The following CHRNA7 variants were observed in gnomAD, a reference collection of about 807,000 sequenced individuals.
The protein encoded by CHRNA7 is cholinergic receptor nicotinic alpha 7 subunit, also known as neuronal acetylcholine receptor subunit alpha-7.
CHRNA7 carries 17 observed loss-of-function variants against 48.0 expected under a neutral mutation model. The ratio of observed to expected loss-of-function variants is 0.35; its 90% CI spans 0.24 to 0.53. CHRNA7 has a LOEUF of 0.53. CHRNA7 is among the 20% of genes least tolerant of loss of function. The pLI, the probability that CHRNA7 is intolerant of heterozygous loss-of-function variation, is 0.92. For synonymous variants in CHRNA7, 75 were observed against 242.3 expected (o/e 0.31, Z 6.41); for missense variants, 155 against 577.7 (o/e 0.27, Z 7.50).
chr15:32,141,267 T>C (rs1453878324), intron 4 of CHRNA7, among the ~76,000 whole-genome samples: 1 of 152,214 alleles, frequency 6.6e-6, no homozygotes, highest in African/African-American at 2.4e-5. Context: ...CTCTGTTCTC[T>C]TCCATTGGTC....
At chr15:32,093,089 TA>T (rs1481185306) in intron 2 of CHRNA7, among the ~76,000 whole-genome samples, 2 of 152,232 alleles carry the variant, frequency 1.3e-5, no homozygotes, top group Admixed American at 6.5e-5. Flanking sequence ...GGCTTAAACT[TA>T]AAGGGAGATT....
At chr15:32,119,278 C>G (rs1333810477) in intron 4 of CHRNA7, among the ~76,000 whole-genome samples, 1 of 152,244 alleles carries the variant, frequency 6.6e-6, no homozygotes, top group Non-Finnish European at 1.5e-5. Context: ...TTAGGATGCT[C>G]TGCAGAATTG....
At chr15:32,068,823 A>G (rs988251750) in intron 2 of CHRNA7, among the ~76,000 whole-genome samples, 11 of 152,332 alleles carry the variant, frequency 7.2e-5, no homozygotes, top group African/African-American at 2.2e-4. Context: ...TTATAAATAC[A>G]TATGACGTAT....
At chr15:32,117,900 C>T (rs1595467502) in intron 4 of CHRNA7, among the ~76,000 whole-genome samples, 2 of 152,132 alleles carry the variant, frequency 1.3e-5, no homozygotes, top group Admixed American at 6.5e-5. Flanking sequence ...CCAAGGGCAT[C>T]ACTGGAAGGT....
intron 4 of CHRNA7, among the ~76,000 whole-genome samples, chr15:32,128,845 C>T (rs1411653650): frequency 2.6e-5 from 4 of 151,776 alleles, no homozygotes; most frequent in Non-Finnish European, 4.4e-5. Context: ...GATCTTATGG[C>T]GAAAGCATCC....
intron 4 of CHRNA7, among the ~76,000 whole-genome samples, chr15:32,150,135 TC>T (rs1228716903): frequency 3.3e-5 from 5 of 152,174 alleles, no homozygotes; most frequent in Non-Finnish European, 5.9e-5. Context: ...CACTGCAGCC[TC>T]AAACTCCTGG....
chr15:32,108,228 G>C (rs2050703580), intron 3 of CHRNA7, among the ~76,000 whole-genome samples: 1 of 152,026 alleles, frequency 6.6e-6, no homozygotes, highest in Non-Finnish European at 1.5e-5. Flanking sequence ...GTGCCTTTTA[G>C]ATCAATGGCC....
At chr15:32,142,624 ACTT>A (rs996906431) in intron 4 of CHRNA7, among the ~76,000 whole-genome samples, 19 of 152,292 alleles carry the variant, frequency 1.2e-4, no homozygotes, top group Middle Eastern at 3.4e-3. Flanking sequence ...CAGAGATTCA[ACTT>A]CTTCCTAGTT....
chr15:32,078,229 A>G (rs1454873147), intron 2 of CHRNA7, among the ~76,000 whole-genome samples: 1 of 152,136 alleles, frequency 6.6e-6, no homozygotes, highest in Non-Finnish European at 1.5e-5. Context: ...AATTTTAATG[A>G]AGTCCAGTCT....
At chr15:32,114,044 GTA>G (rs1321921481) in intron 4 of CHRNA7, among the ~76,000 whole-genome samples, 981 of 63,586 alleles carry the variant, frequency 0.015, 16 homozygotes, top group African/African-American at 0.053. Context: ...ATATATATAT[GTA>G]TATATATATA....
intron 4 of CHRNA7, among the ~76,000 whole-genome samples, chr15:32,117,118 G>C (rs2050885974): frequency 6.6e-6 from 1 of 152,184 alleles, no homozygotes; most frequent in Non-Finnish European, 1.5e-5. Context: ...CTGGGAAGCA[G>C]GATGAGGGGA....
At chr15:32,137,882 G>A (rs1314944222) in intron 4 of CHRNA7, among the ~76,000 whole-genome samples, 1 of 152,132 alleles carries the variant, frequency 6.6e-6, no homozygotes, top group Non-Finnish European at 1.5e-5. Context: ...GTCCTCCTCA[G>A]TATTTACCCA....
Position 32,116,864 on chromosome 15 carries a change from A to G in CHRNA7, c.350+4965A>G, listed in dbSNP as rs955769487. 1.3e-5 allele frequency among the ~76,000 whole-genome samples: 2 copies of G among 152,116 alleles called. 1 individual carries two copies. The highest frequency in any genetic ancestry group is 4.8e-5 in the African/African-American group (2 of 41,418). On this transcript the variant is annotated intron_variant, in intron 4 of 9. Coordinates refer to ENST00000306901, the MANE Select transcript of CHRNA7 (RefSeq NM_000746.6). The stretch of plus-strand genomic sequence containing the variant: ...CATGGGGTTTCAGCCATCCATTTTC[A>G]TTGAGTGTGCAAAGCTGCATTTGTC...
chr15:32,168,755 A>ATTTTTAAT lies in CHRNA7; in HGVS notation c.*297_*298insTTTTTAAT. On this transcript the variant is annotated 3_prime_UTR_variant, in exon 10 of 10. Transcript: ENST00000306901. ...CCACTGCCTGGAAAGCCCTTCGGAG[A>ATTTTTAAT]GCTCCCCATGGCTCCTCACCACCGA... The ATTTTTAAT allele has an allele frequency of 5.1e-5, 2 of 39,000 alleles. No homozygotes were observed. The highest frequency in any genetic ancestry group is 9.1e-5 in the Non-Finnish European group (2 of 21,900). The allele number at this position is 39,000 out of a possible 1,614,324, so 2.4% of individuals were successfully genotyped here.
intron 2 of CHRNA7, among the ~76,000 whole-genome samples, chr15:32,044,900 G>C (rs546867471): frequency 6.6e-6 from 1 of 152,168 alleles, no homozygotes; most frequent in Non-Finnish European, 1.5e-5. Context: ...TATTCCATAT[G>C]CCTCCTATTC....
intron 2 of CHRNA7, among the ~76,000 whole-genome samples, chr15:32,097,149 C>T (rs2050484109): frequency 6.6e-6 from 1 of 152,178 alleles, no homozygotes; most frequent in Non-Finnish European, 1.5e-5. Context: ...CATTGAAATG[C>T]ACAGAAGCCA....
At chr15:32,062,707 A>G (rs2049899100) in intron 2 of CHRNA7, among the ~76,000 whole-genome samples, 2 of 152,148 alleles carry the variant, frequency 1.3e-5, no homozygotes, top group African/African-American at 4.8e-5. Context: ...TTCAGACACT[A>G]CCTTGCACTT....
intron 2 of CHRNA7, among the ~76,000 whole-genome samples, chr15:32,082,305 C>A (rs917389795): frequency 2.6e-5 from 4 of 151,284 alleles, no homozygotes; most frequent in African/African-American, 9.7e-5. Flanking sequence ...CCACCTTCTT[C>A]TTTTATCTAG....
In CHRNA7 at chr15:32,051,071, C is replaced by A. The variant is rs2049664497; in HGVS notation, c.195+20034C>A. ...GTCTGCCCCTACTTGGGGGTGCCTC[C>A]CAGTTAGGCTGCTCGGGGGTCAGGG... On this transcript the variant is annotated intron_variant, in intron 2 of 9. Coordinates refer to ENST00000306901, the MANE Select transcript of CHRNA7 (RefSeq NM_000746.6). 4.6e-5 allele frequency among the ~76,000 whole-genome samples: 7 copies of A among 151,830 alleles called. No homozygotes were observed. In the South Asian group the frequency reaches 1.5e-3, roughly 32 times the overall value.
Sources: allele counts gnomAD v4.1 joint callset (sites outside exome capture counted in the v4.1 genomes callset), GRCh38; gene constraint gnomAD v4.1.1; transcripts MANE v1.5; gene names NCBI Gene and HGNC (gene_info 2026-07-23, HGNC 2026-07-21).